TACC2: variants seen among roughly 807,000 people sequenced by gnomAD.
The protein encoded by TACC2 is transforming acidic coiled-coil-containing protein 2.
A neutral mutation model predicts 227.3 loss-of-function variants in TACC2; 137 were observed. The ratio of observed to expected loss-of-function variants is 0.60; its 90% CI spans 0.52 to 0.69. TACC2 has a LOEUF of 0.69. Among genes scored for constraint, TACC2 ranks in the 30% least tolerant of loss-of-function variants. The probability of loss-of-function intolerance (pLI) is 0.00; values close to 1 mark genes in which losing one functional copy is unlikely to be tolerated. For synonymous variants in TACC2, 1,523 were observed against 1,487.5 expected (o/e 1.02, Z -0.55); for missense variants, 3,470 against 3,694.4 (o/e 0.94, Z 1.57).
At position 122,085,298 on chromosome 10, in the gene TACC2, T is replaced by C. The variant is rs533590866; in HGVS notation, c.2798T>C (p.Leu933Ser). The C allele has an allele frequency of 6.2e-7, 1 of 1,613,992 alleles. No individual in the cohort carries two copies. The highest frequency in any genetic ancestry group is 2.2e-5 in the East Asian group (1 of 44,886). ...AGTTCTCTGACAGAAGAGTCAGAATTGTCAGCACCAACGAGACAGAAGTTG... is the reference window on the plus strand; with the variant it reads ...AGTTCTCTGACAGAAGAGTCAGAATCGTCAGCACCAACGAGACAGAAGTTG... ...WESSLTEESE[L>S]SAPTRQKLPA... Residue 933 changes from leucine (L) to serine (S), a missense_variant, in exon 4 of 23, where the codon TTG becomes TCG. Physicochemically the swap from Leu to Ser is moderately radical, Grantham distance 145. Transcript: ENST00000369005.
At chr10:122,000,643 A>G (rs564087898) in intron 1 of TACC2, among the ~76,000 whole-genome samples, 14 of 152,232 alleles carry the variant, frequency 9.2e-5, no homozygotes, top group African/African-American at 3.4e-4. Flanking sequence ...TCAAGTATAC[A>G]CCAAAGTAGA....
chr10:122,147,776 TAC>T (rs1412740237), intron 7 of TACC2, among the ~76,000 whole-genome samples: 1 of 152,202 alleles, frequency 6.6e-6, no homozygotes, highest in East Asian at 1.9e-4. Context: ...CCCCAGGCAG[TAC>T]AGTGATACGA....
In TACC2 at chr10:122,038,046, A is replaced by G. The variant is rs1186163964; in HGVS notation, c.34-12392A>G. 3.3e-5 allele frequency among the ~76,000 whole-genome samples: 5 copies of G among 152,200 alleles called. No homozygotes were observed. In the East Asian group the frequency reaches 7.7e-4, roughly 23 times the overall value. ...TTGTACAGTCCAATTAACAAGAGCT[A>G]CAGGAGTTTGAGACTAGCCAGTGCA... On this transcript the variant is annotated intron_variant, in intron 2 of 22. Transcript: ENST00000369005.
chr10:122,050,564 T>A lies in TACC2; in HGVS notation c.146+14T>A. 6.3e-7 allele frequency: 1 copy of A among 1,597,418 alleles called. No homozygotes were observed. Among genetic ancestry groups the A allele is most frequent in the Non-Finnish European group, 8.6e-7 (1 of 1,165,874 alleles). On this transcript the variant is annotated intron_variant, in intron 3 of 22. Transcript: ENST00000369005. This position sits in a 1 kb window ranked among gnomAD's most constrained non-coding sequence, Gnocchi z 4.6. ...AGACGCGTCCAGGTAGGAGGCCAGC[T>A]CTGGAGGACTGATGCAGCCCAAGGA...
chr10:122,248,881 T>C (rs2141910098), intron 20 of TACC2, 78 bp downstream of exon 20: 1 of 1,588,848 alleles, frequency 6.3e-7, no homozygotes, highest in South Asian at 1.1e-5. Context: ...GGGGGTAGGA[T>C]TCCAGAAGTT....
intron 7 of TACC2, among the ~76,000 whole-genome samples, chr10:122,159,983 G>A (rs569825616): frequency 3.9e-5 from 6 of 152,244 alleles, no homozygotes; most frequent in South Asian, 2.1e-4. Context: ...CCATGGCTCC[G>A]TCCGTTGAAC....
intron 6 of TACC2, among the ~76,000 whole-genome samples, chr10:122,133,775 A>G (rs1246168516): frequency 2.0e-5 from 3 of 152,008 alleles, no homozygotes; most frequent in Non-Finnish European, 4.4e-5. Context: ...ACTGCCCTCC[A>G]CAGATCCTTG....
chr10:122,011,690 G>C (rs373521934), intron 1 of TACC2, among the ~76,000 whole-genome samples: 16 of 152,272 alleles, frequency 1.1e-4, no homozygotes, highest in African/African-American at 3.6e-4. Flanking sequence ...AGGAAGTCTA[G>C]GCTGCAATTA....
intron 3 of TACC2, among the ~76,000 whole-genome samples, chr10:122,058,069 G>T (rs1321862847): frequency 4.9e-4 from 74 of 152,184 alleles, no homozygotes; most frequent in Non-Finnish European, 8.8e-5. Flanking sequence ...CACCCACCAT[G>T]GAGTGGTTCA....
intron 5 of TACC2, among the ~76,000 whole-genome samples, chr10:122,106,279 C>T (rs189938813): frequency 1.3e-3 from 200 of 152,288 alleles, no homozygotes; most frequent in African/African-American, 3.6e-3. Context: ...TGAGCCACCG[C>T]GCCCGGCCCC....
rs114199549 is a variant in TACC2 at position 122,210,884 on chromosome 10, G to A, written c.6459G>A (p.Thr2153=). The change falls in exon 9 of 23, where the codon ACG becomes ACA. Residue 2153 remains threonine, a synonymous_variant. Coordinates refer to ENST00000369005, the MANE Select transcript of TACC2 (RefSeq NM_206862.4). The surrounding 1 kb of genome is among the most constrained non-coding windows in gnomAD (Gnocchi z 4.6). ...CAGAGACCCCCCCAGTGAAGGAGAC[G>A]CAACAGGAGCCAGATGAAGAGAGCC... ...KPTETPPVKE[T]QQEPDEESLV... 1.1e-3 allele frequency: 1,822 copies of A among 1,613,322 alleles called. 23 individuals are homozygous for A. The African/African-American group carries it at 0.021, about 19-fold the overall frequency.
intron 5 of TACC2, among the ~76,000 whole-genome samples, chr10:122,110,009 A>C (rs1592119300): frequency 6.6e-6 from 1 of 152,188 alleles, no homozygotes; most frequent in East Asian, 1.9e-4. Context: ...GATATGACAA[A>C]AGTCAAACAG....
At chr10:122,196,018 C>A (rs1475037389) in intron 8 of TACC2, among the ~76,000 whole-genome samples, 1 of 152,192 alleles carries the variant, frequency 6.6e-6, no homozygotes, top group African/African-American at 2.4e-5. Context: ...AGACCACACG[C>A]TGGATACCTG....
At chr10:122,002,574 T>G (rs778221026) in intron 1 of TACC2, among the ~76,000 whole-genome samples, 2 of 152,160 alleles carry the variant, frequency 1.3e-5, no homozygotes, top group Non-Finnish European at 2.9e-5. Context: ...CCTTTAAAGA[T>G]TTGGTAAAAC....
rs537087550 is a variant in TACC2 at position 122,249,698 on chromosome 10, C to T, written c.8781+34C>T. ...GGAGGGGTGTGGCCTCCAGGTGGGCCGGGCTGCTGCTCTCTGTGCTGCTGG... is the reference window on the plus strand; with the variant it reads ...GGAGGGGTGTGGCCTCCAGGTGGGCTGGGCTGCTGCTCTCTGTGCTGCTGG... On this transcript the variant is annotated intron_variant, in intron 22 of 22. Coordinates refer to ENST00000369005, the MANE Select transcript of TACC2 (RefSeq NM_206862.4). 564 of 1,590,958 alleles carry T rather than the reference C, an allele frequency of 3.5e-4. 5 individuals are homozygous for T. The South Asian group carries it at 4.7e-3, about 13-fold the overall frequency.
rs568028145 is a variant in TACC2, at chr10:122,195,585, A to G, written c.5971+409A>G. On this transcript the variant is annotated intron_variant, in intron 8 of 22. Coordinates refer to ENST00000369005, the MANE Select transcript of TACC2 (RefSeq NM_206862.4). ...TCAGTGGGCGGGGATAGAGAGGTAGACATTCACAGCAGATCATGGTGGTTT... is the reference window on the plus strand; with the variant it reads ...TCAGTGGGCGGGGATAGAGAGGTAGGCATTCACAGCAGATCATGGTGGTTT... Among the ~76,000 whole-genome samples, 3 of 152,320 alleles carry G rather than the reference A, an allele frequency of 2.0e-5. No homozygotes were observed. In the South Asian group the frequency reaches 6.2e-4, roughly 32 times the overall value.
At chr10:122,051,554 C>T (rs1406810034) in intron 3 of TACC2, 3 of 152,092 alleles carry the variant, frequency 2.0e-5, no homozygotes, top group Non-Finnish European at 4.4e-5. Context: ...GGGTTCAACT[C>T]GCAAACAGGC....
chr10:122,150,763 C>G lies in TACC2; in HGVS notation c.5834+7057C>G, dbSNP rs901391831. ...TAATACTTCGCTGTCAGGAGAAGGA[C>G]CTGCTGAGCGCTGGAGTCTAGGTGG... is the stretch of plus-strand genomic sequence containing the variant. On this transcript the variant is annotated intron_variant, in intron 7 of 22. Transcript: ENST00000369005. This position sits in a 1 kb window ranked among gnomAD's most constrained non-coding sequence, Gnocchi z 4.0. Among the ~76,000 whole-genome samples the G allele has an allele frequency of 1.3e-5, 2 of 152,220 alleles. No homozygotes were observed. Among genetic ancestry groups the G allele is most frequent in the African/African-American group, 4.8e-5 (2 of 41,462 alleles).
rs778120344 is a variant in TACC2, at chr10:122,180,529, G to A, written c.5835-14511G>A. 4.6e-5 allele frequency among the ~76,000 whole-genome samples: 7 copies of A among 152,094 alleles called. No homozygotes were observed. The South Asian group carries it at 6.2e-4, about 14-fold the overall frequency. Reference sequence around the variant, plus strand: ...ATTTTTTTGTGTTTTTGGTAGAAACGAGGTTTCACCATGTTAGCCAGGATG... The same window carrying A: ...ATTTTTTTGTGTTTTTGGTAGAAACAAGGTTTCACCATGTTAGCCAGGATG... On this transcript the variant is annotated intron_variant, in intron 7 of 22. Coordinates refer to ENST00000369005, the MANE Select transcript of TACC2 (RefSeq NM_206862.4). The surrounding 1 kb of genome is among the most constrained non-coding windows in gnomAD (Gnocchi z 4.5).
Sources: allele counts gnomAD v4.1 joint callset (sites outside exome capture counted in the v4.1 genomes callset), GRCh38; gene constraint gnomAD v4.1.1; non-coding constraint Gnocchi (gnomAD v3.1); transcripts MANE v1.5; gene names NCBI Gene and HGNC (gene_info 2026-07-23, HGNC 2026-07-21).